The following GRIN2A variants were observed in gnomAD, a reference collection of about 807,000 sequenced individuals.
The protein encoded by GRIN2A is glutamate ionotropic receptor NMDA type subunit 2A, also known as glutamate receptor ionotropic, NMDA 2A.
A neutral mutation model predicts 113.4 loss-of-function variants in GRIN2A; 22 were observed. The observed-to-expected ratio is 0.19, with a 90% CI of 0.14 to 0.28. The LOEUF is 0.28. Among genes scored for constraint, GRIN2A ranks in the 10% least tolerant of loss-of-function variants. The pLI, the probability that GRIN2A is intolerant of heterozygous loss-of-function variation, is 1.00. For synonymous variants in GRIN2A, 827 were observed against 738.4 expected, an observed-to-expected ratio of 1.12 and a Z score of -1.94; for missense variants, 1,502 against 1,887.0, an observed-to-expected ratio of 0.80 and a Z score of 3.78.
intron 2 of GRIN2A, among the ~76,000 whole-genome samples, chr16:10,150,812 A>G (rs1447853737): frequency 2.0e-5 from 3 of 152,122 alleles, no homozygotes; most frequent in Non-Finnish European, 2.9e-5. Context: ...AACACTACCT[A>G]AAATTAACTT....
intron 2 of GRIN2A, among the ~76,000 whole-genome samples, chr16:9,965,587 A>G (rs1182302856): frequency 1.3e-5 from 2 of 152,218 alleles, no homozygotes; most frequent in Non-Finnish European, 1.5e-5. Flanking sequence ...GGCAGGCTCC[A>G]TGAGAGCAAG....
intron 2 of GRIN2A, among the ~76,000 whole-genome samples, chr16:9,980,266 CAA>C (rs560335229): frequency 3.8e-5 from 5 of 131,542 alleles, no homozygotes; most frequent in African/African-American, 5.6e-5. Context: ...GAGACTGTCT[CAA>C]AAAAAAAAAA....
At chr16:10,159,159 C>T (rs1389897572) in intron 2 of GRIN2A, among the ~76,000 whole-genome samples, 1 of 152,116 alleles carries the variant, frequency 6.6e-6, no homozygotes, top group Non-Finnish European at 1.5e-5. Context: ...TGGTGGTCCT[C>T]GGATCCCTGC....
At chr16:10,031,719 C>G (rs2046932573) in intron 2 of GRIN2A, 1 of 152,324 alleles carries the variant, frequency 6.6e-6, no homozygotes, top group Non-Finnish European at 1.5e-5. Flanking sequence ...CACCATCCAC[C>G]CTGGCTTTAA....
chr16:9,984,332 C>T (rs776620381), intron 2 of GRIN2A, among the ~76,000 whole-genome samples: 1 of 152,022 alleles, frequency 6.6e-6, no homozygotes, highest in Non-Finnish European at 1.5e-5. Flanking sequence ...TGTCTCTTCA[C>T]TCTGATTTTT....
At chr16:9,869,635 C>G (rs2043221401) in intron 4 of GRIN2A, among the ~76,000 whole-genome samples, 1 of 152,190 alleles carries the variant, frequency 6.6e-6, no homozygotes. Context: ...ACTAACTTTA[C>G]TTCTTGGACA....
chr16:9,884,299 A>G (rs1271251636), intron 4 of GRIN2A, among the ~76,000 whole-genome samples: 1 of 152,190 alleles, frequency 6.6e-6, no homozygotes, highest in African/African-American at 2.4e-5. Context: ...CTGTAATCCC[A>G]GCACATTGGG....
Position 9,803,181 on chromosome 16 carries a change from G to A in GRIN2A, c.2169-4717C>T, listed in dbSNP as rs1207828496. 2.0e-5 allele frequency among the ~76,000 whole-genome samples: 3 copies of A among 152,218 alleles called. No individual in the cohort carries two copies. The East Asian group carries it at 5.8e-4, about 29-fold the overall frequency. On this transcript the variant is annotated intron_variant, in intron 10 of 12. Transcript: ENST00000330684. Reference sequence around the variant, plus strand: ...GCACTTTGGGAGGCCGAGGTGGGCGGATCACCTGAGGTCGGGAGTTTGAGA... The same window carrying A: ...GCACTTTGGGAGGCCGAGGTGGGCGAATCACCTGAGGTCGGGAGTTTGAGA...
chr16:9,996,024 CAAAAAAAAAAAAAAAAA>C (rs57133009), intron 2 of GRIN2A, among the ~76,000 whole-genome samples: 7 of 51,140 alleles, frequency 1.4e-4, no homozygotes, highest in South Asian at 2.2e-3. Context: ...CAGAGGGTGG[CAAAAAAAAAAAAAAAAA>C]AAAAAAAAAA....
At chr16:9,979,191 A>G (rs892492231) in intron 2 of GRIN2A, among the ~76,000 whole-genome samples, 4 of 152,174 alleles carry the variant, frequency 2.6e-5, no homozygotes, top group Admixed American at 2.6e-4. Context: ...AGAAGATTCA[A>G]GCTCTCATTC....
chr16:10,047,558 A>C (rs915886799), intron 2 of GRIN2A, among the ~76,000 whole-genome samples: 1 of 152,232 alleles, frequency 6.6e-6, no homozygotes, highest in Non-Finnish European at 1.5e-5. Context: ...CTTGAGTCCC[A>C]TACCTGATAT....
At chr16:9,833,470 T>C (rs924912127) in intron 8 of GRIN2A, among the ~76,000 whole-genome samples, 2 of 152,222 alleles carry the variant, frequency 1.3e-5, no homozygotes, top group East Asian at 1.9e-4. Flanking sequence ...TTGAAACCCA[T>C]GACAATTTTA....
chr16:9,773,748 A>G (rs569543582), intron 11 of GRIN2A, among the ~76,000 whole-genome samples: 3 of 152,304 alleles, frequency 2.0e-5, no homozygotes, highest in East Asian at 1.9e-4. Flanking sequence ...TGTTCTTCCT[A>G]TATCTGTTTT....
intron 2 of GRIN2A, among the ~76,000 whole-genome samples, chr16:10,167,290 C>A (rs952877052): frequency 1.3e-5 from 2 of 152,204 alleles, no homozygotes; most frequent in Non-Finnish European, 2.9e-5. Flanking sequence ...GTCCCCAACT[C>A]CCCCCAAAAT....
At chr16:10,135,790 T>C (rs1174470392) in intron 2 of GRIN2A, among the ~76,000 whole-genome samples, 1 of 152,214 alleles carries the variant, frequency 6.6e-6, no homozygotes, top group Non-Finnish European at 1.5e-5. Flanking sequence ...GGCATCTGAC[T>C]GATTGAATCA....
intron 10 of GRIN2A, among the ~76,000 whole-genome samples, chr16:9,803,151 T>A (rs2041898387): frequency 6.6e-6 from 1 of 152,144 alleles, no homozygotes. Flanking sequence ...GCGCCTAAAG[T>A]CCCAGCACTT....
intron 9 of GRIN2A, among the ~76,000 whole-genome samples, chr16:9,824,705 A>G (rs902981089): frequency 2.0e-5 from 3 of 152,050 alleles, no homozygotes; most frequent in African/African-American, 4.8e-5. Flanking sequence ...TACGTTTCCC[A>G]TCACCACTCC....
In GRIN2A at chr16:9,980,972, AAAACTT is replaced by A. The variant is rs559860703; in HGVS notation, c.415-42427_415-42422del. Reference sequence around the variant, plus strand: ...CCTGCACGTTGTGCACATGTACCCTAAAACTTAAAGTATAATAATAAAAAATAAAAA... The same window carrying A: ...CCTGCACGTTGTGCACATGTACCCTAAAAGTATAATAATAAAAAATAAAAA... On this transcript the variant is annotated intron_variant, in intron 2 of 12. Transcript: ENST00000330684. Among the ~76,000 whole-genome samples, 206 of 151,996 alleles carry A rather than the reference AAAACTT, an allele frequency of 1.4e-3. 1 individual carries two copies. Among genetic ancestry groups the A allele is most frequent in the African/African-American group, 4.5e-3 (187 of 41,490 alleles).
intron 8 of GRIN2A, among the ~76,000 whole-genome samples, chr16:9,829,973 G>C (rs1193092600): frequency 2.0e-5 from 3 of 152,202 alleles, no homozygotes; most frequent in African/African-American, 7.2e-5. Context: ...TCCCATTTGA[G>C]GAAACCAGCC....
Sources: allele counts gnomAD v4.1 joint callset (sites outside exome capture counted in the v4.1 genomes callset), GRCh38; gene constraint gnomAD v4.1.1; transcripts MANE v1.5; gene names NCBI Gene and HGNC (gene_info 2026-07-23, HGNC 2026-07-21).